Variants in KCNT2 observed in about 807,000 individuals in gnomAD.
KCNT2 encodes the protein potassium channel subfamily T member 2.
KCNT2 carries 67 observed loss-of-function variants against 153.8 expected under a neutral mutation model. The observed-to-expected ratio is 0.44, with a 90% confidence interval of 0.36 to 0.53. The LOEUF (loss-of-function observed/expected upper bound fraction) is 0.53. Among genes scored for constraint, KCNT2 ranks in the 20% least tolerant of loss-of-function variants. The probability of loss-of-function intolerance (pLI) is 0.00; values close to 1 mark genes in which losing one functional copy is unlikely to be tolerated. For synonymous variants in KCNT2, 500 were observed against 458.8 expected, an observed-to-expected ratio of 1.09 and a Z score of -1.15; for missense variants, 975 against 1,354.8, an observed-to-expected ratio of 0.72 and a Z score of 4.40.
chr1:196,262,267 G>A (rs557669619), intron 25 of KCNT2, among the ~76,000 whole-genome samples: 6 of 151,738 alleles, frequency 4.0e-5, no homozygotes, highest in Non-Finnish European at 8.8e-5. Flanking sequence ...CACGTCATAG[G>A]TTATTGAGCA....
chr1:196,282,634 A>C (rs934514280), intron 23 of KCNT2, among the ~76,000 whole-genome samples: 1 of 152,198 alleles, frequency 6.6e-6, no homozygotes, highest in Non-Finnish European at 1.5e-5. Flanking sequence ...GCATGATAAA[A>C]AATTTTTAGA....
chr1:196,411,464 A>AG (rs1162537333), intron 12 of KCNT2, among the ~76,000 whole-genome samples: 29 of 150,110 alleles, frequency 1.9e-4, no homozygotes, highest in African/African-American at 6.9e-4. Flanking sequence ...AAAAAAAAAA[A>AG]AAAAACGGCC....
intron 9 of KCNT2, among the ~76,000 whole-genome samples, chr1:196,428,749 C>T (rs1230775838): frequency 3.3e-5 from 5 of 152,030 alleles, no homozygotes; most frequent in Admixed American, 3.3e-4. Context: ...ATGAATTTAT[C>T]GGAGCAGGAA....
At chr1:196,552,328 A>G (rs904010093) in intron 1 of KCNT2, among the ~76,000 whole-genome samples, 1 of 151,426 alleles carries the variant, frequency 6.6e-6, no homozygotes, top group Non-Finnish European at 1.5e-5. Context: ...TTGTGAAATC[A>G]TGAGTTTCTT....
Position 196,480,855 on chromosome 1 carries a change from C to CAAAAAAA in KCNT2, c.324+1469_324+1475dup, listed in dbSNP as rs372270510. ...TGGGCGACAGAGAGAGACTTCGTCT[C>CAAAAAAA]AAAAAAAAAAAAAAAAAAAAAAAAA... On this transcript the variant is annotated intron_variant, in intron 4 of 27. Coordinates refer to ENST00000294725, the MANE Select transcript of KCNT2 (RefSeq NM_198503.5). Among the ~76,000 whole-genome samples, 25 of 26,896 alleles carry CAAAAAAA rather than the reference C, an allele frequency of 9.3e-4. 1 individual carries two copies. The highest frequency in any genetic ancestry group is 3.6e-3 in the East Asian group (2 of 560). The allele number at this position is 26,896 out of a possible 152,430, so 17.6% of individuals were successfully genotyped here.
Position 196,257,695 on chromosome 1 carries a change from G to A in KCNT2, c.3211+499C>T, listed in dbSNP as rs1445353904. ...TTATTGAGACAGATTGGCACTATAT[G>A]AGATAAAGCAGTATTTGAGCTTCAA... On this transcript the variant is annotated intron_variant, in intron 26 of 27. Transcript: ENST00000294725. 3 of 982,340 alleles carry A rather than the reference G, an allele frequency of 3.1e-6. No homozygotes were observed. The East Asian group carries it at 3.4e-4, about 112-fold the overall frequency. 60.9% of individuals were successfully genotyped at this position (982,340 alleles called of 1,614,324 possible).
At chr1:196,574,369 C>G (rs942019759) in intron 1 of KCNT2, among the ~76,000 whole-genome samples, 2 of 151,258 alleles carry the variant, frequency 1.3e-5, no homozygotes, top group Admixed American at 1.3e-4. Context: ...TCACAGCAAT[C>G]CTACAAGAGA....
rs368767845 is a variant in KCNT2 at position 196,499,056 on chromosome 1, C to T, written c.96-6715G>A. On this transcript the variant is annotated intron_variant, in intron 1 of 27. Coordinates refer to ENST00000294725, the MANE Select transcript of KCNT2 (RefSeq NM_198503.5). Reference sequence around the variant, plus strand: ...GTCTTTATAAGAAAAGAAAAATTTGCACACAGACACATATGCAGAAGGAAG... The same window carrying T: ...GTCTTTATAAGAAAAGAAAAATTTGTACACAGACACATATGCAGAAGGAAG... Among the ~76,000 whole-genome samples the T allele has an allele frequency of 1.9e-4, 29 of 152,188 alleles. No individual in the cohort carries two copies. The East Asian group carries it at 4.5e-3, about 23-fold the overall frequency.
At chr1:196,583,503 A>G (rs1662305787) in intron 1 of KCNT2, among the ~76,000 whole-genome samples, 1 of 152,082 alleles carries the variant, frequency 6.6e-6, no homozygotes, top group Non-Finnish European at 1.5e-5. Context: ...ACATATAATT[A>G]CATTTATTGA....
intron 8 of KCNT2, among the ~76,000 whole-genome samples, chr1:196,458,304 T>C (rs1676855714): frequency 6.6e-6 from 1 of 151,870 alleles, no homozygotes; most frequent in Non-Finnish European, 1.5e-5. Context: ...ATTATTTCTT[T>C]TATAAAAATG....
At chr1:196,232,595 TA>T (rs1290916702) in intron 27 of KCNT2, among the ~76,000 whole-genome samples, 1 of 151,638 alleles carries the variant, frequency 6.6e-6, no homozygotes, top group African/African-American at 2.4e-5. Flanking sequence ...AAAGCTTTTT[TA>T]TTTTTTTAAT....
At chr1:196,466,638 A>G (rs1292786042) in intron 7 of KCNT2, among the ~76,000 whole-genome samples, 1 of 152,030 alleles carries the variant, frequency 6.6e-6, no homozygotes, top group Non-Finnish European at 1.5e-5. Context: ...ATCTGTGTAC[A>G]TTTTGTATAT....
intron 22 of KCNT2, among the ~76,000 whole-genome samples, chr1:196,292,866 G>A (rs2147925777): frequency 6.7e-6 from 1 of 148,414 alleles, no homozygotes; most frequent in East Asian, 2.0e-4. Context: ...GTTTGCAGAT[G>A]CCATGAACTT....
intron 2 of KCNT2, among the ~76,000 whole-genome samples, chr1:196,491,636 A>G (rs1007319324): frequency 6.6e-6 from 1 of 152,028 alleles, no homozygotes; most frequent in African/African-American, 2.4e-5. Context: ...CCTAACCTTG[A>G]ATAGGCTCAG....
At chr1:196,292,811 C>CAAAA (rs750026564) in intron 22 of KCNT2, among the ~76,000 whole-genome samples, 6 of 69,292 alleles carry the variant, frequency 8.7e-5, no homozygotes, top group Non-Finnish European at 1.6e-4. Flanking sequence ...GACTCTGTCT[C>CAAAA]AAAAAAAAAA....
At chr1:196,536,525 T>C (rs1234169293) in intron 1 of KCNT2, among the ~76,000 whole-genome samples, 1 of 152,210 alleles carries the variant, frequency 6.6e-6, no homozygotes, top group Non-Finnish European at 1.5e-5. Flanking sequence ...TAGACCCATG[T>C]CTAGGGGTGC....
chr1:196,423,710 T>C (rs1459527610), intron 11 of KCNT2, among the ~76,000 whole-genome samples: 1 of 143,362 alleles, frequency 7.0e-6, no homozygotes, highest in Non-Finnish European at 1.5e-5. Context: ...ATCTCTGTGG[T>C]TCTCTGTGAT....
Position 196,258,384 on chromosome 1 carries a change from A to G in KCNT2, c.3021T>C (p.His1007=). Reference sequence around the variant, plus strand: ...GCATGCTTTTTCTCCGCAGCAAGGGATGGTCCGACTGATCACTGGATGTTG... The same window carrying G: ...GCATGCTTTTTCTCCGCAGCAAGGGGTGGTCCGACTGATCACTGGATGTTG... ...RNSTSSDQSD[H]PLLRRKSMQW... Residue 1007 remains histidine (H), a synonymous_variant, in exon 26 of 28, where the codon CAT becomes CAC. Coordinates refer to ENST00000294725, the MANE Select transcript of KCNT2 (RefSeq NM_198503.5). 1 of 1,613,920 alleles carries G rather than the reference A, an allele frequency of 6.2e-7. No individual in the cohort carries two copies. Among genetic ancestry groups the G allele is most frequent in the Non-Finnish European group, 8.5e-7 (1 of 1,179,980 alleles).
intron 14 of KCNT2, among the ~76,000 whole-genome samples, chr1:196,362,102 G>C (rs189256391): frequency 2.0e-5 from 3 of 152,086 alleles, no homozygotes; most frequent in African/African-American, 4.8e-5. Flanking sequence ...ATTTGAGCAT[G>C]CTCCCCCACT....
Sources: allele counts gnomAD v4.1 joint callset (sites outside exome capture counted in the v4.1 genomes callset), GRCh38; gene constraint gnomAD v4.1.1; transcripts MANE v1.5; gene names NCBI Gene and HGNC (gene_info 2026-07-23, HGNC 2026-07-21).